Variants in MARCHF1 observed in about 807,000 individuals in gnomAD.
MARCHF1 encodes the protein membrane associated ring-CH-type finger 1.
MARCHF1 carries 40 observed loss-of-function variants against 54.2 expected under a neutral mutation model. The observed-to-expected ratio is 0.74, with a 90% CI of 0.57 to 0.96. The LOEUF is 0.96. MARCHF1 is among the 40% of genes least tolerant of loss of function. The probability of loss-of-function intolerance (pLI) is 0.00; values close to 1 mark genes in which losing one functional copy is unlikely to be tolerated. For missense variants in MARCHF1, 586 were observed against 656.5 expected, an observed-to-expected ratio of 0.89 and a Z score of 1.17; for synonymous variants, 236 against 236.3, an observed-to-expected ratio of 1.00 and a Z score of 0.01.
chr4:163,986,265 T>A (rs1442746201), intron 3 of MARCHF1, among the ~76,000 whole-genome samples: 2 of 75,484 alleles, frequency 2.6e-5, no homozygotes, highest in Admixed American at 1.5e-4. Flanking sequence ...TTTTTTTTTT[T>A]TTTTTTTTTT....
intron 4 of MARCHF1, among the ~76,000 whole-genome samples, chr4:163,849,763 A>AT (rs958931738): frequency 1.5e-4 from 23 of 152,008 alleles, no homozygotes; most frequent in Middle Eastern, 3.4e-3. Flanking sequence ...AGAACTCTGC[A>AT]TTTTTTTTGT....
chr4:164,104,637 T>G lies in MARCHF1; in HGVS notation c.-248+6951A>C, dbSNP rs1460690997. Among the ~76,000 whole-genome samples the G allele has an allele frequency of 1.4e-3, 27 of 18,700 alleles. 1 individual carries two copies. The highest frequency in any genetic ancestry group is 2.8e-3 in the African/African-American group (24 of 8,502). The allele number at this position is 18,700 out of a possible 152,430, so 12.3% of individuals were successfully genotyped here. On this transcript the variant is annotated intron_variant, in intron 2 of 9. Coordinates refer to ENST00000514618, the MANE Select transcript of MARCHF1 (RefSeq NM_001394959.1). Reference sequence around the variant, plus strand: ...ATTTCAAAATAATAAGAGCTATCTATGACAAACCCACAGCCAATATCATAC... The same window carrying G: ...ATTTCAAAATAATAAGAGCTATCTAGGACAAACCCACAGCCAATATCATAC...
chr4:164,328,783 G>GC (rs1735350485), intron 1 of MARCHF1, among the ~76,000 whole-genome samples: 1 of 152,128 alleles, frequency 6.6e-6, no homozygotes, highest in African/African-American at 2.4e-5. Context: ...GCCCACCTCA[G>GC]CCCCCTAAAG....
At chr4:164,255,172 A>T (rs1252689933) in intron 1 of MARCHF1, among the ~76,000 whole-genome samples, 2 of 152,218 alleles carry the variant, frequency 1.3e-5, no homozygotes, top group African/African-American at 2.4e-5. Flanking sequence ...TGGTGTAGTT[A>T]TGTAAATGTT....
intron 3 of MARCHF1, among the ~76,000 whole-genome samples, chr4:163,934,465 G>A (rs946643317): frequency 1.3e-5 from 2 of 150,832 alleles, no homozygotes; most frequent in Non-Finnish European, 3.0e-5. Flanking sequence ...AGGCTGAGGT[G>A]GGAGGACTGC....
intron 3 of MARCHF1, among the ~76,000 whole-genome samples, chr4:163,953,238 T>C (rs72687929): frequency 2.0e-5 from 3 of 152,124 alleles, no homozygotes; most frequent in Admixed American, 2.0e-4. Flanking sequence ...TGCATCCTAT[T>C]GGGTGAGGCA....
chr4:164,229,659 T>C (rs930324229), intron 1 of MARCHF1, among the ~76,000 whole-genome samples: 2 of 152,074 alleles, frequency 1.3e-5, no homozygotes, highest in African/African-American at 4.8e-5. Flanking sequence ...CTGCAGGTTG[T>C]ATAGGAAGCA....
At chr4:163,577,981 C>T (rs1740094135) in intron 8 of MARCHF1, among the ~76,000 whole-genome samples, 1 of 151,850 alleles carries the variant, frequency 6.6e-6, no homozygotes, top group South Asian at 2.1e-4. Context: ...TAATTTAAAA[C>T]TCAATCATAA....
intron 1 of MARCHF1, among the ~76,000 whole-genome samples, chr4:164,298,452 A>C (rs749167644): frequency 4.6e-5 from 7 of 152,078 alleles, no homozygotes; most frequent in Non-Finnish European, 7.4e-5. Flanking sequence ...ATACCCATTT[A>C]AAGTAACCCA....
chr4:163,995,522 T>TCA (rs1753059299), intron 2 of MARCHF1, among the ~76,000 whole-genome samples: 1 of 152,062 alleles, frequency 6.6e-6, no homozygotes, highest in South Asian at 2.1e-4. Flanking sequence ...TGACCAGCCT[T>TCA]CATCCTGAAG....
chr4:164,212,702 T>C (rs957296693), intron 1 of MARCHF1, among the ~76,000 whole-genome samples: 1 of 152,220 alleles, frequency 6.6e-6, no homozygotes, highest in Non-Finnish European at 1.5e-5. Flanking sequence ...TTCAGTCTTA[T>C]GTATCCATGG....
At chr4:163,566,962 A>T (rs898960454) in intron 8 of MARCHF1, among the ~76,000 whole-genome samples, 1 of 152,178 alleles carries the variant, frequency 6.6e-6, no homozygotes, top group Admixed American at 6.5e-5. Context: ...TTATAAGTTA[A>T]TAGGTTCACC....
chr4:164,186,297 T>G (rs1318365701), intron 1 of MARCHF1, among the ~76,000 whole-genome samples: 2 of 152,148 alleles, frequency 1.3e-5, no homozygotes, highest in East Asian at 3.8e-4. Context: ...GGTAGAAAAA[T>G]TGTGTCAACT....
chr4:163,688,308 G>A (rs1744334732), intron 5 of MARCHF1, among the ~76,000 whole-genome samples: 1 of 152,162 alleles, frequency 6.6e-6, no homozygotes, highest in African/African-American at 2.4e-5. Flanking sequence ...GTAATCCTAT[G>A]AAGACCATAT....
intron 7 of MARCHF1, among the ~76,000 whole-genome samples, chr4:163,608,760 A>G (rs890462914): frequency 2.0e-5 from 3 of 152,090 alleles, no homozygotes; most frequent in Non-Finnish European, 4.4e-5. Flanking sequence ...GAAAAGGAAG[A>G]AGGCTTAGGA....
chr4:164,227,804 C>T (rs1191662477), intron 1 of MARCHF1, among the ~76,000 whole-genome samples: 1 of 152,116 alleles, frequency 6.6e-6, no homozygotes, highest in South Asian at 2.1e-4. Context: ...TATTTCATTA[C>T]ATTGTGATGA....
chr4:164,145,318 T>A (rs1369469879), intron 1 of MARCHF1, among the ~76,000 whole-genome samples: 4 of 152,010 alleles, frequency 2.6e-5, no homozygotes, highest in African/African-American at 9.7e-5. Context: ...CCTAACTCAT[T>A]TTATGAGGCC....
chr4:163,840,602 T>C (rs1036286135), intron 4 of MARCHF1, among the ~76,000 whole-genome samples: 12 of 152,046 alleles, frequency 7.9e-5, no homozygotes, highest in African/African-American at 2.9e-4. Context: ...ATATGGAATC[T>C]AAAAAGCAGA....
intron 2 of MARCHF1, among the ~76,000 whole-genome samples, chr4:164,057,025 C>A (rs572619143): frequency 9.8e-4 from 149 of 152,118 alleles, no homozygotes; most frequent in African/African-American, 3.0e-3. Flanking sequence ...TCCTGTCACA[C>A]CCCAGAAAGA....
Sources: allele counts gnomAD v4.1 joint callset (sites outside exome capture counted in the v4.1 genomes callset), GRCh38; gene constraint gnomAD v4.1.1; transcripts MANE v1.5; gene names NCBI Gene and HGNC (gene_info 2026-07-23, HGNC 2026-07-21).